Variants in USP15 observed in about 807,000 individuals in gnomAD.
USP15 encodes ubiquitin specific peptidase 15.
A neutral mutation model predicts 127.1 loss-of-function variants in USP15; 18 were observed. The ratio of observed to expected loss-of-function variants is 0.14; its 90% CI spans 0.10 to 0.21. USP15 has a LOEUF of 0.21. Ranked by LOEUF, USP15 falls within the 10% of genes least tolerant of loss-of-function variation. USP15 has a pLI of 1.00. For missense variants in USP15, 805 were observed against 1,159.9 expected (o/e 0.69, Z 4.44); for synonymous variants, 364 against 393.7 (o/e 0.92, Z 0.89).
intron 8 of USP15, among the ~76,000 whole-genome samples, chr12:62,357,461 A>G (rs12811821): frequency 0.065 from 9,926 of 152,128 alleles, 417 homozygotes; most frequent in Middle Eastern, 0.11. Flanking sequence ...TGATAGCTCT[A>G]TTGCAGACAC....
chr12:62,404,155 G>C, intron 21 of USP15, 38 bp from the exon 22 acceptor site: 1 of 1,516,528 alleles, frequency 6.6e-7, no homozygotes, highest in Non-Finnish European at 8.9e-7. Flanking sequence ...CGTGATCTTT[G>C]AGAATCATAA....
intron 6 of USP15, among the ~76,000 whole-genome samples, chr12:62,326,719 A>G (rs2065138779): frequency 6.6e-6 from 1 of 152,202 alleles, no homozygotes; most frequent in Non-Finnish European, 1.5e-5. Context: ...ATGTTCTGAT[A>G]AGGGATTGTG....
chr12:62,319,908 A>G (rs1221452624), intron 4 of USP15, among the ~76,000 whole-genome samples: 1 of 152,302 alleles, frequency 6.6e-6, no homozygotes, highest in Admixed American at 6.5e-5. Flanking sequence ...ATTTTTATAG[A>G]AAGATTAAAA....
chr12:62,381,567 C>T lies in USP15; in HGVS notation c.993C>T (p.Pro331=). Residue 331 remains proline (P), a synonymous_variant, in exon 9 of 22, where the codon CCC becomes CCT. Coordinates refer to ENST00000280377, the MANE Select transcript of USP15 (RefSeq NM_001252078.2). ...AAGAAGAACTGAATTTTGACAATCC[C>T]TTAGGAATGAGAGGTGAAATAGCTA... ...KYQEELNFDN[P]LGMRGEIAKS... is the part of the protein sequence containing the mutation. The T allele has an allele frequency of 1.9e-6, 3 of 1,613,106 alleles. No homozygotes were observed. The highest frequency in any genetic ancestry group is 1.7e-6 in the Non-Finnish European group (2 of 1,179,330).
intron 6 of USP15, among the ~76,000 whole-genome samples, chr12:62,336,902 C>G (rs2065484560): frequency 6.6e-6 from 1 of 152,128 alleles, no homozygotes; most frequent in Non-Finnish European, 1.5e-5. Context: ...TGGTTTAAGT[C>G]TTAAAGTTAA....
At position 62,404,077 on chromosome 12, in the gene USP15, G is replaced by A. The variant is rs553573893; in HGVS notation, c.2764-116G>A. On this transcript the variant is annotated intron_variant, in intron 21 of 21. Coordinates refer to ENST00000280377, the MANE Select transcript of USP15 (RefSeq NM_001252078.2). ...AGTAACTTCCATTTGACCATGCATG[G>A]TTTTTCTATTTGATTTATGCCCTCT... 7 of 1,277,148 alleles carry A rather than the reference G, an allele frequency of 5.5e-6. No homozygotes were observed. The African/African-American group carries it at 9.1e-5, about 17-fold the overall frequency. The allele number at this position is 1,277,148 out of a possible 1,614,324, so 79.1% of individuals were successfully genotyped here. A position where few individuals can be genotyped will look rare whatever the true frequency, so the allele number is the denominator to read the frequency against.
intron 6 of USP15, among the ~76,000 whole-genome samples, chr12:62,326,802 A>C (rs2065141304): frequency 6.6e-6 from 1 of 152,206 alleles, no homozygotes; most frequent in Non-Finnish European, 1.5e-5. Flanking sequence ...ATTTTAACCA[A>C]GTGAATAAAA....
At chr12:62,367,599 G>A (rs1003711500) in intron 8 of USP15, among the ~76,000 whole-genome samples, 14 of 152,100 alleles carry the variant, frequency 9.2e-5, no homozygotes, top group African/African-American at 3.4e-4. Context: ...AGATTTTCTA[G>A]GTGTTTATAG....
chr12:62,275,370 A>T (rs1164986200), intron 1 of USP15, among the ~76,000 whole-genome samples: 1 of 151,424 alleles, frequency 6.6e-6, no homozygotes, highest in Non-Finnish European at 1.5e-5. Context: ...GAAGGTTGTA[A>T]AAAAAATTGG....
At chr12:62,304,935 G>A (rs1389134) in intron 3 of USP15, 43,643 of 223,894 alleles carry the variant, frequency 0.19, 5,384 homozygotes, top group East Asian at 0.25. Context: ...TTTAATGTTT[G>A]GGAATAAAAT....
chr12:62,335,295 A>C, intron 6 of USP15: 1 of 1,489,776 alleles, frequency 6.7e-7, no homozygotes, highest in Non-Finnish European at 8.9e-7. Context: ...TATTAACTCC[A>C]CAAATGTTAG....
intron 6 of USP15, among the ~76,000 whole-genome samples, chr12:62,340,989 C>T (rs1380330553): frequency 6.6e-6 from 1 of 152,086 alleles, no homozygotes; most frequent in Non-Finnish European, 1.5e-5. Flanking sequence ...AAGAGTCCCA[C>T]TATTATTGCA....
intron 8 of USP15, among the ~76,000 whole-genome samples, chr12:62,365,074 G>A (rs1424030213): frequency 6.6e-6 from 1 of 152,122 alleles, no homozygotes; most frequent in Admixed American, 6.6e-5. Flanking sequence ...TATATACCCA[G>A]TAATGGGATT....
At chr12:62,400,611 G>GT (rs986550491) in intron 20 of USP15, among the ~76,000 whole-genome samples, 8 of 120,352 alleles carry the variant, frequency 6.6e-5, no homozygotes, top group Admixed American at 4.6e-4. Flanking sequence ...AGATTCTGGT[G>GT]TTAAAAAAAA....
intron 1 of USP15, among the ~76,000 whole-genome samples, chr12:62,292,002 T>TAAA (rs2063984284): frequency 6.6e-6 from 1 of 152,216 alleles, no homozygotes; most frequent in African/African-American, 2.4e-5. Flanking sequence ...CAGTGGGGTT[T>TAAA]ACGCTTGACC....
intron 11 of USP15, 26 bp from the exon 12 acceptor site, chr12:62,389,405 T>A (rs2067253086): frequency 1.9e-6 from 3 of 1,585,766 alleles, no homozygotes; most frequent in Non-Finnish European, 1.7e-6. Flanking sequence ...AATAATAAAT[T>A]CATTACAATT....
chr12:62,330,936 A>AC (rs1156476303), intron 6 of USP15, among the ~76,000 whole-genome samples: 1 of 150,686 alleles, frequency 6.6e-6, no homozygotes. Flanking sequence ...CAAAAAGGAA[A>AC]AAAAAAAAAA....
At chr12:62,303,654 C>T (rs1274194834) in intron 3 of USP15, 1 of 149,846 alleles carries the variant, frequency 6.7e-6, no homozygotes, top group East Asian at 2.0e-4. Flanking sequence ...GATTAGGTAA[C>T]ATAAGGGTAA....
At chr12:62,371,030 A>G (rs983934638) in intron 8 of USP15, among the ~76,000 whole-genome samples, 2 of 152,138 alleles carry the variant, frequency 1.3e-5, no homozygotes, top group African/African-American at 4.8e-5. Context: ...TTTGTGAACT[A>G]TCAAAATATA....
Sources: gnomAD v4.1 joint callset for allele counts (sites outside exome capture counted in the v4.1 genomes callset) on GRCh38, gnomAD v4.1.1 for gene constraint, MANE v1.5 for transcripts, NCBI Gene and HGNC (gene_info 2026-07-23, HGNC 2026-07-21) for gene names.